Variants in BRWD3 observed in about 807,000 individuals in gnomAD.
BRWD3 encodes bromodomain and WD repeat domain containing 3.
In BRWD3, 10 loss-of-function variants were observed where a neutral mutation model predicts 149.7. The observed-to-expected ratio is 0.07, with a 90% CI of 0.04 to 0.11. The LOEUF (loss-of-function observed/expected upper bound fraction) is 0.11, where lower values mean the gene tolerates loss of function less well. Among genes scored for constraint, BRWD3 ranks in the 10% least tolerant of loss-of-function variants. The probability of loss-of-function intolerance (pLI) is 1.00; values close to 1 mark genes in which losing one functional copy is unlikely to be tolerated. For missense variants in BRWD3, 940 were observed against 1,373.2 expected, an observed-to-expected ratio of 0.68 and a Z score of 4.99; for synonymous variants, 504 against 456.7, an observed-to-expected ratio of 1.10 and a Z score of -1.32.
chrX:80,764,734 A>T (rs2073840505), intron 6 of BRWD3, among the ~76,000 whole-genome samples: 1 of 111,436 alleles, frequency 9.0e-6, no homozygotes, highest in African/African-American at 3.3e-5. Flanking sequence ...AAAAGAATGA[A>T]AAGACAGACT....
chrX:80,794,598 T>C (rs961958762), intron 4 of BRWD3, among the ~76,000 whole-genome samples: 1 of 110,560 alleles, frequency 9.0e-6, no homozygotes, highest in South Asian at 3.7e-4. Context: ...CATATACATA[T>C]GGAATCAGGA....
chrX:80,673,077 T>C lies in BRWD3; in HGVS notation c.*3532A>G, dbSNP rs764587615. The C allele has an allele frequency of 8.9e-6, 1 of 111,915 alleles. No individual in the cohort carries two copies. The highest frequency in any genetic ancestry group is 1.9e-5 in the Non-Finnish European group (1 of 53,187). The allele number at this position is 111,915 out of a possible 1,213,427, so 9.2% of individuals were successfully genotyped here. On this transcript the variant is annotated 3_prime_UTR_variant, in exon 41 of 41. Coordinates refer to ENST00000373275, the MANE Select transcript of BRWD3 (RefSeq NM_153252.5). ...TCACTCTATTATTGTCTGATGACAA[T>C]CTATGGGATTAAAACAAAAACAACA...
intron 8 of BRWD3, among the ~76,000 whole-genome samples, chrX:80,736,886 G>C (rs1215036579): frequency 9.0e-6 from 1 of 111,556 alleles, no homozygotes; most frequent in Non-Finnish European, 1.9e-5. Flanking sequence ...TTGGACAAGA[G>C]TTTCTGGCAT....
At chrX:80,734,320 T>G in intron 10 of BRWD3, 102 bp from the exon 11 acceptor site, 2 of 549,934 alleles carry the variant, frequency 3.6e-6, no homozygotes, top group Admixed American at 5.5e-5. Context: ...TAAAAAGGCT[T>G]AAAGAAACAC....
At chrX:80,720,354 A>G (rs1204519662) in intron 17 of BRWD3, among the ~76,000 whole-genome samples, 3 of 111,543 alleles carry the variant, frequency 2.7e-5, no homozygotes, top group Non-Finnish European at 3.8e-5. Flanking sequence ...AGACAGGGAT[A>G]TTGATAATCT....
intron 6 of BRWD3, among the ~76,000 whole-genome samples, chrX:80,784,388 CT>C (rs889706293): frequency 1.8e-5 from 2 of 111,704 alleles, no homozygotes; most frequent in Non-Finnish European, 3.8e-5. Context: ...ATTAAACACA[CT>C]TTTTTTTATT....
chrX:80,696,519 T>TACACACACACACAC (rs560341387), intron 26 of BRWD3, among the ~76,000 whole-genome samples: 2 of 82,175 alleles, frequency 2.4e-5, no homozygotes, highest in African/African-American at 4.4e-5. Flanking sequence ...ATAACATAAA[T>TACACACACACACAC]ACACACACAC....
intron 26 of BRWD3, among the ~76,000 whole-genome samples, chrX:80,696,484 T>A (rs1385331301): frequency 9.4e-6 from 1 of 105,878 alleles, no homozygotes; most frequent in Non-Finnish European, 1.9e-5. Context: ...GTAACTTGCT[T>A]ATGAACCTAT....
intron 6 of BRWD3, among the ~76,000 whole-genome samples, chrX:80,756,575 T>C (rs951455854): frequency 9.1e-6 from 1 of 109,791 alleles, no homozygotes; most frequent in Non-Finnish European, 1.9e-5. Context: ...TTAGCCATTA[T>C]TTTTTAGTAC....
intron 14 of BRWD3, among the ~76,000 whole-genome samples, chrX:80,726,190 A>G (rs1234986191): frequency 2.1e-4 from 23 of 107,399 alleles, no homozygotes; most frequent in African/African-American, 7.0e-4. Context: ...ATAACATATA[A>G]CACGTTTACA....
chrX:80,785,476 C>G (rs2074098991), intron 6 of BRWD3, among the ~76,000 whole-genome samples: 1 of 111,909 alleles, frequency 8.9e-6, no homozygotes, highest in Non-Finnish European at 1.9e-5. Context: ...CTCTCAAATT[C>G]CTTCCTTATG....
chrX:80,809,064 A>G (rs1247940259), intron 2 of BRWD3, 22 bp from the exon 3 acceptor site: 5 of 1,183,517 alleles, frequency 4.2e-6, no homozygotes, highest in Non-Finnish European at 4.5e-6. Flanking sequence ...GGAAACACAG[A>G]TATGAGGAGC....
rs1432240624 is a variant in BRWD3, at chrX:80,719,605, T to A, written c.1928A>T (p.Asp643Val). The change falls in exon 18 of 41, where the codon GAT becomes GTT. Residue 643 changes from aspartate (D) to valine (V), a missense_variant. Transcript: ENST00000373275. ...GATTATTCCATCAAGAATGCTCTCA[T>A]CTTGGTCATTGGTTTGCTGCCCAAT... Reference protein sequence around the residue: ...QVIGQQTNDQDESILDGIIRE... With the variant: ...QVIGQQTNDQVESILDGIIRE... The A allele has an allele frequency of 8.3e-7, 1 of 1,208,735 alleles. No individual in the cohort carries two copies. Among genetic ancestry groups the A allele is most frequent in the Non-Finnish European group, 1.1e-6 (1 of 894,583 alleles).
At chrX:80,733,718 C>T (rs756567145) in intron 11 of BRWD3, among the ~76,000 whole-genome samples, 2 of 109,738 alleles carry the variant, frequency 1.8e-5, no homozygotes, top group Non-Finnish European at 3.8e-5. Context: ...TTTCAAGAGA[C>T]AAATAGTTCT....
chrX:80,792,547 G>C (rs1007864932), intron 5 of BRWD3, among the ~76,000 whole-genome samples: 1 of 111,588 alleles, frequency 9.0e-6, no homozygotes, highest in Admixed American at 9.6e-5. Context: ...AAACCCAAAA[G>C]CTCTCTTGAA....
intron 27 of BRWD3, among the ~76,000 whole-genome samples, 162 bp downstream of exon 27, chrX:80,695,746 C>T (rs1310180368): frequency 5.4e-5 from 6 of 111,926 alleles, no homozygotes; most frequent in Non-Finnish European, 1.1e-4. Flanking sequence ...ACACAATGTG[C>T]ATAAGAAATA....
chrX:80,725,175 A>T, intron 14 of BRWD3, 108 bp from the exon 15 acceptor site: 2 of 860,035 alleles, frequency 2.3e-6, no homozygotes. Flanking sequence ...ATTTATGCAG[A>T]ATAATTTAAC....
intron 6 of BRWD3, among the ~76,000 whole-genome samples, chrX:80,757,147 T>TA (rs1357772130): frequency 8.9e-6 from 1 of 112,193 alleles, no homozygotes; most frequent in Non-Finnish European, 1.9e-5. Flanking sequence ...TTAGTATATA[T>TA]AATTAGTTAC....
intron 40 of BRWD3, among the ~76,000 whole-genome samples, chrX:80,677,989 T>C: frequency 9.0e-6 from 1 of 110,970 alleles, no homozygotes; most frequent in African/African-American, 3.3e-5. Context: ...CAAGCCAGTA[T>C]AACCAGAGTG....
Sources: allele counts gnomAD v4.1 joint callset (sites outside exome capture counted in the v4.1 genomes callset), GRCh38; gene constraint gnomAD v4.1.1; transcripts MANE v1.5; gene names NCBI Gene and HGNC (gene_info 2026-07-23, HGNC 2026-07-21).